Variants in SLC35F3 observed in about 807,000 individuals in gnomAD.
SLC35F3 encodes solute carrier family 35 member F3, also known as putative thiamine transporter SLC35F3.
Under a neutral mutation model 49.9 loss-of-function variants are expected in SLC35F3, and 25 were observed. That is an observed-to-expected ratio of 0.50 (90% CI 0.37 to 0.70). The LOEUF is 0.70. Among genes scored for constraint, SLC35F3 ranks in the 30% least tolerant of loss-of-function variants. SLC35F3 has a pLI of 0.00. For synonymous variants in SLC35F3, 275 were observed against 265.4 expected, an observed-to-expected ratio of 1.04 and a Z score of -0.35; for missense variants, 525 against 639.8, an observed-to-expected ratio of 0.82 and a Z score of 1.94.
chr1:234,265,211 G>A (rs1288593350), intron 3 of SLC35F3, among the ~76,000 whole-genome samples: 2 of 152,108 alleles, frequency 1.3e-5, no homozygotes, highest in Admixed American at 6.5e-5. Flanking sequence ...TATAACATGT[G>A]AAAAATCAAA....
intron 2 of SLC35F3, among the ~76,000 whole-genome samples, chr1:234,208,921 A>G (rs1385964926): frequency 6.6e-6 from 1 of 152,234 alleles, no homozygotes; most frequent in Non-Finnish European, 1.5e-5. Context: ...AGACACCATC[A>G]CACATCGCTG....
At chr1:234,216,876 T>C (rs1558263292) in intron 2 of SLC35F3, among the ~76,000 whole-genome samples, 1 of 152,190 alleles carries the variant, frequency 6.6e-6, no homozygotes, top group Non-Finnish European at 1.5e-5. Context: ...TACCTACAAG[T>C]ATCCCATGCA....
intron 2 of SLC35F3, among the ~76,000 whole-genome samples, chr1:234,011,341 C>G (rs1461920235): frequency 6.6e-6 from 1 of 152,172 alleles, no homozygotes; most frequent in Non-Finnish European, 1.5e-5. Context: ...AGAGTGCTTT[C>G]ACACTGCATT....
chr1:234,041,970 A>G (rs1009791979), intron 2 of SLC35F3, among the ~76,000 whole-genome samples: 3 of 152,158 alleles, frequency 2.0e-5, no homozygotes, highest in African/African-American at 7.2e-5. Flanking sequence ...ATGCACGTGC[A>G]TGTCCCCCTT....
chr1:234,206,850 A>C (rs991074791), intron 2 of SLC35F3, among the ~76,000 whole-genome samples: 1 of 152,054 alleles, frequency 6.6e-6, no homozygotes, highest in Non-Finnish European at 1.5e-5. Context: ...ATTGAACAAG[A>C]CCTTGCCTGC....
chr1:234,278,946 G>A (rs1375745433), intron 3 of SLC35F3, among the ~76,000 whole-genome samples: 2 of 152,120 alleles, frequency 1.3e-5, no homozygotes, highest in Non-Finnish European at 2.9e-5. Flanking sequence ...ATCTGAGACA[G>A]GTATCAGTCA....
At chr1:234,161,184 C>T (rs1337913309) in intron 2 of SLC35F3, among the ~76,000 whole-genome samples, 1 of 152,212 alleles carries the variant, frequency 6.6e-6, no homozygotes, top group African/African-American at 2.4e-5. Context: ...CTGTGCCAGC[C>T]ACTAGGCTAA....
At chr1:234,271,112 T>C (rs1279978627) in intron 3 of SLC35F3, among the ~76,000 whole-genome samples, 1 of 152,182 alleles carries the variant, frequency 6.6e-6, no homozygotes, top group Non-Finnish European at 1.5e-5. Flanking sequence ...TGTTAAAACT[T>C]GGATGAAGTT....
chr1:234,172,955 C>A (rs182802556), intron 2 of SLC35F3, among the ~76,000 whole-genome samples: 59 of 152,296 alleles, frequency 3.9e-4, no homozygotes, highest in Admixed American at 7.8e-4. Flanking sequence ...CTTCCAGCTT[C>A]CCCCAATGGT....
chr1:234,158,936 G>C (rs946424104), intron 2 of SLC35F3, among the ~76,000 whole-genome samples: 9 of 152,068 alleles, frequency 5.9e-5, no homozygotes, highest in Non-Finnish European at 1.3e-4. Flanking sequence ...CCCCATAGTA[G>C]ACCATACTTT....
intron 3 of SLC35F3, among the ~76,000 whole-genome samples, chr1:234,296,420 A>G (rs1458806705): frequency 4.6e-5 from 7 of 152,196 alleles, no homozygotes; most frequent in African/African-American, 1.2e-4. Context: ...TGGACTCTTT[A>G]GAATAGGAAG....
At chr1:234,266,063 C>G (rs1667974113) in intron 3 of SLC35F3, among the ~76,000 whole-genome samples, 1 of 152,144 alleles carries the variant, frequency 6.6e-6, no homozygotes, top group Non-Finnish European at 1.5e-5. Flanking sequence ...CTCTACAAGG[C>G]ATAGGAGCAT....
At chr1:234,169,247 G>C (rs1187352494) in intron 2 of SLC35F3, among the ~76,000 whole-genome samples, 3 of 152,216 alleles carry the variant, frequency 2.0e-5, no homozygotes, top group East Asian at 3.8e-4. Flanking sequence ...CCTACTGTTT[G>C]AAATGCTCAT....
intron 3 of SLC35F3, among the ~76,000 whole-genome samples, chr1:234,290,328 A>G (rs1188726130): frequency 6.6e-6 from 1 of 152,260 alleles, no homozygotes; most frequent in Non-Finnish European, 1.5e-5. Context: ...AAAATTCTCA[A>G]AAATGATATG....
chr1:234,199,479 T>C (rs1666870020), intron 2 of SLC35F3, among the ~76,000 whole-genome samples: 1 of 152,134 alleles, frequency 6.6e-6, no homozygotes, highest in Non-Finnish European at 1.5e-5. Context: ...AGACATTATA[T>C]ACAAAAAAAT....
Position 234,266,891 on chromosome 1 carries a change from T to A in SLC35F3, c.608+35150T>A, listed in dbSNP as rs1667990016. On this transcript the variant is annotated intron_variant, in intron 3 of 7. Transcript: ENST00000366618. ...GCACATGGTTTTTTTTTTTTTTTTT[T>A]TTTTTTATTGATCATTCTTGGGTGT... 3.3e-5 allele frequency among the ~76,000 whole-genome samples: 5 copies of A among 150,022 alleles called. No homozygotes were observed. The South Asian group carries it at 1.1e-3, about 32-fold the overall frequency.
intron 3 of SLC35F3, among the ~76,000 whole-genome samples, chr1:234,289,216 T>C (rs1278989702): frequency 6.6e-6 from 1 of 152,216 alleles, no homozygotes; most frequent in African/African-American, 2.4e-5. Context: ...TTCCCATCAC[T>C]GTGTAGACCA....
chr1:234,118,565 G>A (rs1367513553), intron 2 of SLC35F3, among the ~76,000 whole-genome samples: 1 of 152,168 alleles, frequency 6.6e-6, no homozygotes, highest in Non-Finnish European at 1.5e-5. Flanking sequence ...AGAGGGAAGA[G>A]TGACAGTGAC....
At chr1:233,966,277 T>C (rs1662905064) in intron 2 of SLC35F3, among the ~76,000 whole-genome samples, 1 of 152,234 alleles carries the variant, frequency 6.6e-6, no homozygotes, top group Admixed American at 6.5e-5. Flanking sequence ...GTGACGGGTC[T>C]GGGCTAATAT....
Sources: gnomAD v4.1 joint callset for allele counts (sites outside exome capture counted in the v4.1 genomes callset) on GRCh38, gnomAD v4.1.1 for gene constraint, MANE v1.5 for transcripts, NCBI Gene and HGNC (gene_info 2026-07-23, HGNC 2026-07-21) for gene names.